Variants in NKAIN3 observed in about 807,000 individuals in gnomAD.
NKAIN3 encodes sodium/potassium-transporting ATPase subunit beta-1-interacting protein 3.
Under a neutral mutation model 30.2 loss-of-function variants are expected in NKAIN3, and 25 were observed. The observed-to-expected ratio is 0.83, with a 90% CI of 0.60 to 1.16. The LOEUF (loss-of-function observed/expected upper bound fraction) is 1.16. Ranked by LOEUF, NKAIN3 falls within the 50% of genes most tolerant of loss-of-function variation. The pLI is 0.00. For missense variants in NKAIN3, 225 were observed against 254.1 expected (o/e 0.89, Z 0.78); for synonymous variants, 91 against 89.6 (o/e 1.02, Z -0.09).
At chr8:62,901,679 C>G (rs1821618334) in intron 4 of NKAIN3, among the ~76,000 whole-genome samples, 1 of 152,140 alleles carries the variant, frequency 6.6e-6, no homozygotes, top group Admixed American at 6.5e-5. Context: ...GTTAGGAAGG[C>G]CATGAAACAC....
At chr8:62,565,804 C>T (rs1351673412) in intron 1 of NKAIN3, among the ~76,000 whole-genome samples, 2 of 152,096 alleles carry the variant, frequency 1.3e-5, no homozygotes, top group African/African-American at 2.4e-5. Flanking sequence ...TATAACTTAT[C>T]CTAGCCTCCC....
chr8:62,763,391 G>C (rs1018887663), intron 4 of NKAIN3, among the ~76,000 whole-genome samples: 2 of 152,082 alleles, frequency 1.3e-5, no homozygotes, highest in African/African-American at 4.8e-5. Context: ...CAATTAGTGT[G>C]TATCAGCATT....
intron 1 of NKAIN3, among the ~76,000 whole-genome samples, chr8:62,500,785 A>C (rs970080759): frequency 7.9e-5 from 12 of 152,190 alleles, no homozygotes; most frequent in Admixed American, 5.2e-4. Flanking sequence ...AAAGGCACCA[A>C]GAGGGGAATG....
At chr8:62,575,416 A>G (rs1456263409) in intron 1 of NKAIN3, among the ~76,000 whole-genome samples, 1 of 152,126 alleles carries the variant, frequency 6.6e-6, no homozygotes, top group East Asian at 1.9e-4. Flanking sequence ...AAAATGTGAA[A>G]GATCTCAGCA....
At chr8:62,685,848 G>A (rs902814807) in intron 3 of NKAIN3, among the ~76,000 whole-genome samples, 3 of 152,134 alleles carry the variant, frequency 2.0e-5, no homozygotes, top group Admixed American at 6.6e-5. Flanking sequence ...GATAATTTAG[G>A]TCAAGTATTT....
chr8:62,496,283 C>G (rs181687938), intron 1 of NKAIN3, among the ~76,000 whole-genome samples: 22 of 152,194 alleles, frequency 1.4e-4, no homozygotes, highest in Non-Finnish European at 1.3e-4. Context: ...TTCCAATCAG[C>G]ATGAAAAACT....
intron 5 of NKAIN3, among the ~76,000 whole-genome samples, chr8:62,994,664 G>T (rs1216017805): frequency 3.3e-5 from 5 of 152,184 alleles, no homozygotes; most frequent in Non-Finnish European, 5.9e-5. Flanking sequence ...GAACATTCCA[G>T]AGAAGGAGCA....
intron 1 of NKAIN3, among the ~76,000 whole-genome samples, chr8:62,540,224 A>AT (rs1449427538): frequency 6.6e-6 from 1 of 152,162 alleles, no homozygotes; most frequent in East Asian, 1.9e-4. Flanking sequence ...TCACTCAAAA[A>AT]TGTGCTTTAG....
intron 3 of NKAIN3, among the ~76,000 whole-genome samples, chr8:62,669,484 T>C (rs1189347042): frequency 6.6e-6 from 1 of 152,162 alleles, no homozygotes; most frequent in African/African-American, 2.4e-5. Flanking sequence ...CTCTTAAAAA[T>C]GACACATCTT....
intron 5 of NKAIN3, among the ~76,000 whole-genome samples, chr8:62,926,089 G>C (rs1822434862): frequency 1.3e-5 from 2 of 152,084 alleles, no homozygotes; most frequent in African/African-American, 4.8e-5. Context: ...TGTGGGATTT[G>C]GGATGCAGAT....
chr8:62,421,447 T>C (rs1585790428), intron 1 of NKAIN3, among the ~76,000 whole-genome samples: 1 of 152,278 alleles, frequency 6.6e-6, no homozygotes, highest in South Asian at 2.1e-4. Flanking sequence ...TAAGTGTGTA[T>C]GTACTTTGGC....
At chr8:62,815,345 AG>A (rs1166207789) in intron 4 of NKAIN3, among the ~76,000 whole-genome samples, 1 of 152,188 alleles carries the variant, frequency 6.6e-6, no homozygotes, top group African/African-American at 2.4e-5. Context: ...ATAGGAAAAG[AG>A]GGAATCCTCC....
At chr8:62,831,717 A>C (rs1819203153) in intron 4 of NKAIN3, among the ~76,000 whole-genome samples, 1 of 152,180 alleles carries the variant, frequency 6.6e-6, no homozygotes, top group African/African-American at 2.4e-5. Flanking sequence ...TTCAAGAAAT[A>C]TGGGATTATG....
chr8:62,674,890 A>G (rs1316730407), intron 3 of NKAIN3, among the ~76,000 whole-genome samples: 1 of 152,214 alleles, frequency 6.6e-6, no homozygotes, highest in Non-Finnish European at 1.5e-5. Flanking sequence ...CCACGTAAGG[A>G]TAATTAAAGT....
chr8:62,462,316 A>G (rs892596006), intron 1 of NKAIN3, among the ~76,000 whole-genome samples: 2 of 152,132 alleles, frequency 1.3e-5, no homozygotes, highest in Admixed American at 1.3e-4. Flanking sequence ...GATCACTAGC[A>G]ATTTTTTTGC....
intron 1 of NKAIN3, among the ~76,000 whole-genome samples, chr8:62,466,170 A>G (rs1453131168): frequency 6.6e-6 from 1 of 152,208 alleles, no homozygotes. Flanking sequence ...GTTCAAGTTA[A>G]TAATGTATTA....
chr8:62,751,910 A>G (rs567333644), intron 4 of NKAIN3, among the ~76,000 whole-genome samples: 42 of 152,056 alleles, frequency 2.8e-4, no homozygotes, highest in Non-Finnish European at 5.3e-4. Flanking sequence ...ATGCCCTGAC[A>G]CCTGAGCACA....
chr8:62,254,955 G>T (rs961078920), intron 1 of NKAIN3, among the ~76,000 whole-genome samples: 2 of 152,186 alleles, frequency 1.3e-5, no homozygotes, highest in African/African-American at 4.8e-5. Context: ...ATGAACAATT[G>T]AGTAAATAGC....
chr8:62,632,752 C>A (rs1438412488), intron 3 of NKAIN3, among the ~76,000 whole-genome samples: 5 of 152,088 alleles, frequency 3.3e-5, no homozygotes, highest in African/African-American at 1.2e-4. Context: ...ATCCACCCCC[C>A]TCGGCCTCCC....
Sources: gnomAD v4.1 joint callset for allele counts (sites outside exome capture counted in the v4.1 genomes callset) on GRCh38, gnomAD v4.1.1 for gene constraint, MANE v1.5 for transcripts, NCBI Gene and HGNC (gene_info 2026-07-23, HGNC 2026-07-21) for gene names.